The following OTOG variants were observed in gnomAD, a reference collection of about 807,000 sequenced individuals.
OTOG encodes the protein otogelin.
Under a neutral mutation model 313.8 loss-of-function variants are expected in OTOG, and 296 were observed. The ratio of observed to expected loss-of-function variants is 0.94; its 90% CI spans 0.86 to 1.04. OTOG has a LOEUF of 1.04. Among genes scored for constraint, OTOG ranks in the 50% least tolerant of loss-of-function variants. OTOG has a pLI of 0.00. For missense variants in OTOG, 3,948 were observed against 3,840.1 expected (o/e 1.03, Z -0.74); for synonymous variants, 1,533 against 1,554.9 (o/e 0.99, Z 0.33).
In OTOG at chr11:17,579,656, C is replaced by T. The variant is rs535644740; in HGVS notation, c.2759+1130C>T. On this transcript the variant is annotated intron_variant, in intron 23 of 55. Coordinates refer to ENST00000399397, the MANE Select transcript of OTOG (RefSeq NM_001292063.2). Reference sequence around the variant, plus strand: ...TGACCACCTGCTGCCACTTGGGCCCCGGAGTGGCATTTGAAGAGTATCTTT... The same window carrying T: ...TGACCACCTGCTGCCACTTGGGCCCTGGAGTGGCATTTGAAGAGTATCTTT... 6.6e-5 allele frequency among the ~76,000 whole-genome samples: 10 copies of T among 152,294 alleles called. No individual in the cohort carries two copies. In the East Asian group the frequency reaches 1.9e-3, roughly 29 times the overall value.
rs1186828391 is a variant in OTOG, at chr11:17,559,167, T to TGCAG, written c.1213+7_1213+10dup. 6.5e-7 allele frequency: 1 copy of TGCAG among 1,533,806 alleles called. No individual in the cohort carries two copies. Among genetic ancestry groups the TGCAG allele is most frequent in the East Asian group, 2.4e-5 (1 of 40,882 alleles). ...GACCCAGCTCCGGCAATGCAGTAGG[T>TGCAG]GCAGCCCAGTAGTGGGGCAGGGAGG... On this transcript the variant is annotated splice_region_variant and intron_variant, in intron 11 of 55. Coordinates refer to ENST00000399397, the MANE Select transcript of OTOG (RefSeq NM_001292063.2).
chr11:17,551,870 G>A (rs1227100550), intron 3 of OTOG, 130 bp from the exon 4 acceptor site: 2 of 741,960 alleles, frequency 2.7e-6, no homozygotes, highest in East Asian at 2.7e-5. Flanking sequence ...AGGAGTGGCT[G>A]GGGCACTGAG....
At chr11:17,592,861 C>T (rs1852982756) in intron 25 of OTOG, among the ~76,000 whole-genome samples, 1 of 152,200 alleles carries the variant, frequency 6.6e-6, no homozygotes, top group Non-Finnish European at 1.5e-5. Flanking sequence ...CCAGCAAATT[C>T]CCCTGCAAAA....
intron 35 of OTOG, 59 bp from the exon 36 acceptor site, chr11:17,609,596 C>G: frequency 1.6e-5 from 22 of 1,386,810 alleles, no homozygotes; most frequent in Non-Finnish European, 1.9e-5. Flanking sequence ...CCCTGCCCAG[C>G]AATGACCCCC....
rs1045007880 is a variant in OTOG, at chr11:17,634,831, T to A, written c.7481-13T>A. ...GGCCCCGAGGTGACAGGCCCTGTGGTCCCCGGGGCCAGTGTGTAACCAGAC... is the reference window on the plus strand; with the variant it reads ...GGCCCCGAGGTGACAGGCCCTGTGGACCCCGGGGCCAGTGTGTAACCAGAC... On this transcript the variant is annotated splice_polypyrimidine_tract_variant and intron_variant, in intron 44 of 55. Coordinates refer to ENST00000399397, the MANE Select transcript of OTOG (RefSeq NM_001292063.2). The A allele has an allele frequency of 1.6e-4, 252 of 1,544,432 alleles. 1 individual carries two copies. The highest frequency in any genetic ancestry group is 1.5e-4 in the Non-Finnish European group (169 of 1,142,598).
rs1442919921 is a variant in OTOG at position 17,612,282 on chromosome 11, G to C, written c.6244G>C (p.Ala2082Pro). Reference sequence around the variant, plus strand: ...CCCTCGCTGTGGGATCCTGGGCCTCGCCGTGCGGGTGGGTGGGGACCGCTG... The same window carrying C: ...CCCTCGCTGTGGGATCCTGGGCCTCCCCGTGCGGGTGGGTGGGGACCGCTG... ...APPRCGILGL[A>P]VRVGGDRCCP... is the part of the protein sequence containing the mutation. The change falls in exon 37 of 56, where the codon GCC becomes CCC. Residue 2082 changes from alanine to proline, a missense_variant. Ala to Pro is a conservative substitution (Grantham distance 27, BLOSUM62 -1). Coordinates refer to ENST00000399397, the MANE Select transcript of OTOG (RefSeq NM_001292063.2). 2 of 1,543,274 alleles carry C rather than the reference G, an allele frequency of 1.3e-6. No individual in the cohort carries two copies. Among genetic ancestry groups the C allele is most frequent in the South Asian group, 1.2e-5 (1 of 84,004 alleles).
chr11:17,613,668 C>T lies in OTOG; in HGVS notation c.6495C>T (p.Ala2165=). The change falls in exon 39 of 56, where the codon GCC becomes GCT. Residue 2165 remains alanine, a synonymous_variant. Transcript: ENST00000399397. The part of the protein sequence containing the change: ...CLVMLNMTHL[A]HQVTIDRFNR... Reference sequence around the variant, plus strand: ...TGATGTTGAACATGACTCACTTGGCCCATCAGGTCACTATTGATCGCTTCA... The same window carrying T: ...TGATGTTGAACATGACTCACTTGGCTCATCAGGTCACTATTGATCGCTTCA... 6.4e-7 allele frequency: 1 copy of T among 1,550,706 alleles called. No homozygotes were observed.
chr11:17,563,793 A>C (rs1590002161), intron 15 of OTOG, among the ~76,000 whole-genome samples: 1 of 130,332 alleles, frequency 7.7e-6, no homozygotes, highest in South Asian at 2.5e-4. Context: ...CGCTCTTCCC[A>C]CCTCAGCCTC....
intron 31 of OTOG, among the ~76,000 whole-genome samples, chr11:17,601,088 C>T (rs1853238273): frequency 6.6e-6 from 1 of 152,184 alleles, no homozygotes; most frequent in East Asian, 1.9e-4. Context: ...GCCCTACAAA[C>T]CACTTTTTTT....
At chr11:17,629,338 G>A (rs561271579) in intron 40 of OTOG, 22 bp downstream of exon 40, 189 of 1,536,992 alleles carry the variant, frequency 1.2e-4, no homozygotes, top group Middle Eastern at 1.9e-4. Flanking sequence ...CCCAGCTTGC[G>A]GGGAGGGGAT....
intron 48 of OTOG, 92 bp from the exon 49 acceptor site, chr11:17,639,331 G>T: frequency 7.3e-7 from 1 of 1,370,518 alleles, no homozygotes; most frequent in Non-Finnish European, 1.0e-6. Context: ...TCAGAAGACG[G>T]GTTGTGCCAG....
At chr11:17,619,370 T>C (rs1464594700) in intron 39 of OTOG, among the ~76,000 whole-genome samples, 1 of 152,206 alleles carries the variant, frequency 6.6e-6, no homozygotes, top group African/African-American at 2.4e-5. Context: ...TTCCTTTTAA[T>C]TGGGGATGTT....
Position 17,547,466 on chromosome 11 carries a change from G to T in OTOG, c.94G>T (p.Ala32Ser), listed in dbSNP as rs565203765. 2.2e-6 allele frequency: 3 copies of T among 1,369,704 alleles called. No individual in the cohort carries two copies. The highest frequency in any genetic ancestry group is 3.3e-5 in the Admixed American group (1 of 29,926). The allele number at this position is 1,369,704 out of a possible 1,614,324, so 84.8% of individuals were successfully genotyped here. A position where few individuals can be genotyped will look rare whatever the true frequency, so the allele number is the denominator to read the frequency against. The part of the protein sequence containing the change: ...AAESLRVQRL[A>S]AAPVLWGSAE... ...CGAGTCCCTGCGGGTGCAGCGCCTC[G>T]GTGAGAGGGTTGTGGACTCAGGGAG... The change falls in exon 1 of 56, where the codon GCC (alanine) becomes TCC (serine). Residue 32 changes from alanine to serine, a missense_variant and splice_region_variant. By Grantham distance (99) the Ala-to-Ser change is moderately conservative. Coordinates refer to ENST00000399397, the MANE Select transcript of OTOG (RefSeq NM_001292063.2).
chr11:17,611,138 G>A lies in OTOG; in HGVS notation c.5838G>A (p.Val1946=), dbSNP rs547857442. 6.8e-5 allele frequency: 105 copies of A among 1,550,512 alleles called. No homozygotes were observed. Among genetic ancestry groups the A allele is most frequent in the South Asian group, 1.2e-5 (1 of 84,056 alleles). ...PATSHPLTPL[V]AEPEGAQAGT... ...CGAGCCACCCTCTCACGCCCTTGGT[G>A]GCTGAGCCCGAGGGAGCCCAGGCAG... The change falls in exon 36 of 56, where the codon GTG becomes GTA. Residue 1946 remains valine, a synonymous_variant. Coordinates refer to ENST00000399397, the MANE Select transcript of OTOG (RefSeq NM_001292063.2).
At chr11:17,599,787 C>A in intron 31 of OTOG, 90 bp downstream of exon 31, 1 of 1,441,286 alleles carries the variant, frequency 6.9e-7, no homozygotes, top group Non-Finnish European at 9.5e-7. Flanking sequence ...TCCCGAGGCG[C>A]TGCTGGCCCT....
chr11:17,583,324 T>A (rs895657586), intron 23 of OTOG, among the ~76,000 whole-genome samples: 2 of 152,040 alleles, frequency 1.3e-5, no homozygotes, highest in Non-Finnish European at 2.9e-5. Context: ...TTTGTAGAGA[T>A]GGGGGCTTTG....
Position 17,613,635 on chromosome 11 carries a change from C to T in OTOG, c.6462C>T (p.Phe2154=), listed in dbSNP as rs1853652931. The change falls in exon 39 of 56, where the codon TTC becomes TTT. Residue 2154 remains phenylalanine, a synonymous_variant. Coordinates refer to ENST00000399397, the MANE Select transcript of OTOG (RefSeq NM_001292063.2). ...ANLGHLNWPP[F]CLVMLNMTHL... ...AGGGGCACCTGAACTGGCCCCCGTTCTGTCTGGTGATGTTGAACATGACTC... is the reference window on the plus strand; with the variant it reads ...AGGGGCACCTGAACTGGCCCCCGTTTTGTCTGGTGATGTTGAACATGACTC... 6.4e-7 allele frequency: 1 copy of T among 1,550,620 alleles called. No individual in the cohort carries two copies. The highest frequency in any genetic ancestry group is 1.2e-5 in the South Asian group (1 of 84,050).
Position 17,633,887 on chromosome 11 carries a change from C to T in OTOG, c.7267+13C>T. On this transcript the variant is annotated intron_variant, in intron 43 of 55. Coordinates refer to ENST00000399397, the MANE Select transcript of OTOG (RefSeq NM_001292063.2). ...GAGGCCAAGTGCGGTAGGTTCCTCC[C>T]CTCCCTGAGTGGGGGGCCTCCAAAG... 6.6e-7 allele frequency: 1 copy of T among 1,518,652 alleles called. No homozygotes were observed. Among genetic ancestry groups the T allele is most frequent in the Non-Finnish European group, 8.8e-7 (1 of 1,131,836 alleles). 94.1% of individuals were successfully genotyped at this position (1,518,652 alleles called of 1,614,324 possible).
intron 4 of OTOG, among the ~76,000 whole-genome samples, chr11:17,552,615 T>TGTGTCCCCCACCTGTACTGTGTC (rs1454853324): frequency 3.3e-5 from 5 of 150,922 alleles, no homozygotes; most frequent in African/African-American, 1.2e-4. Flanking sequence ...CCACCTGTCC[T>TGTGTCCCCCACCTGTACTGTGTC]CTCACATCAT....
Sources: gnomAD v4.1 joint callset for allele counts (sites outside exome capture counted in the v4.1 genomes callset) on GRCh38, gnomAD v4.1.1 for gene constraint, MANE v1.5 for transcripts, NCBI Gene and HGNC (gene_info 2026-07-23, HGNC 2026-07-21) for gene names.